Variants in RBMS3 observed in about 807,000 individuals in gnomAD.
The protein encoded by RBMS3 is RNA binding motif single stranded interacting protein 3, also known as RNA-binding motif, single-stranded-interacting protein 3.
In RBMS3, 27 loss-of-function variants were observed where a neutral mutation model predicts 66.8. The ratio of observed to expected loss-of-function variants is 0.40; its 90% CI spans 0.30 to 0.56. The LOEUF (loss-of-function observed/expected upper bound fraction) is 0.56. RBMS3 is among the 20% of genes least tolerant of loss of function. The pLI, the probability that RBMS3 is intolerant of heterozygous loss-of-function variation, is 0.40. For missense variants in RBMS3, 513 were observed against 549.5 expected (o/e 0.93, Z 0.66); for synonymous variants, 188 against 183.0 (o/e 1.03, Z -0.22).
intron 1 of RBMS3, among the ~76,000 whole-genome samples, chr3:29,295,356 T>TAC (rs1317932155): frequency 7.6e-5 from 11 of 145,272 alleles, no homozygotes; most frequent in African/African-American, 2.2e-4. Context: ...CATATATATA[T>TAC]ACACACACAT....
chr3:29,407,076 C>A (rs546332012), intron 1 of RBMS3, among the ~76,000 whole-genome samples: 1 of 152,276 alleles, frequency 6.6e-6, no homozygotes, highest in African/African-American at 2.4e-5. Context: ...AGAAGCTATG[C>A]AATACATTTT....
chr3:29,427,341 T>C (rs1362878524), intron 1 of RBMS3, among the ~76,000 whole-genome samples: 1 of 152,242 alleles, frequency 6.6e-6, no homozygotes, highest in Non-Finnish European at 1.5e-5. Context: ...TAGATATTAA[T>C]TTAGCTGCAT....
Position 29,507,870 on chromosome 3 carries a change from A to G in RBMS3, c.307+19371A>G, listed in dbSNP as rs143395434. 9.7e-4 allele frequency among the ~76,000 whole-genome samples: 148 copies of G among 152,286 alleles called. 1 individual carries two copies. The highest frequency in any genetic ancestry group is 3.4e-3 in the African/African-American group (141 of 41,586). ...TGTGTGGTGAGGTATTGATTTTTCA[A>G]TGTTCATTATATGTTTAAAAAATTC... On this transcript the variant is annotated intron_variant, in intron 3 of 14. Coordinates refer to ENST00000383767, the MANE Select transcript of RBMS3 (RefSeq NM_001003793.3).
intron 3 of RBMS3, among the ~76,000 whole-genome samples, chr3:29,498,609 C>T (rs984467698): frequency 1.3e-5 from 2 of 152,122 alleles, no homozygotes; most frequent in Non-Finnish European, 2.9e-5. Context: ...AAGTTATGAT[C>T]TTAGTTTCCT....
intron 1 of RBMS3, among the ~76,000 whole-genome samples, chr3:29,345,535 A>G (rs2125546174): frequency 6.6e-6 from 1 of 152,286 alleles, no homozygotes; most frequent in Non-Finnish European, 1.5e-5. Flanking sequence ...GATTCCTCTG[A>G]AAGACATAAA....
At chr3:29,479,838 A>G (rs1485940947) in intron 2 of RBMS3, among the ~76,000 whole-genome samples, 1 of 152,228 alleles carries the variant, frequency 6.6e-6, no homozygotes, top group Non-Finnish European at 1.5e-5. Flanking sequence ...AAAAATCAGA[A>G]GGCCTGGAAA....
intron 14 of RBMS3, among the ~76,000 whole-genome samples, chr3:29,992,661 G>A (rs1361092274): frequency 6.6e-6 from 1 of 152,176 alleles, no homozygotes; most frequent in African/African-American, 2.4e-5. Context: ...AGCATGCTCA[G>A]TTCAGAACAC....
chr3:29,982,106 T>C (rs1296231774), intron 12 of RBMS3, among the ~76,000 whole-genome samples: 2 of 152,170 alleles, frequency 1.3e-5, no homozygotes, highest in Non-Finnish European at 2.9e-5. Context: ...TCAGAACTTG[T>C]TATTGGTCTA....
intron 12 of RBMS3, among the ~76,000 whole-genome samples, chr3:29,965,927 G>T (rs1046314521): frequency 1.3e-5 from 2 of 152,128 alleles, no homozygotes; most frequent in African/African-American, 4.8e-5. Context: ...TGAGGATCCA[G>T]TTTCATTCTC....
chr3:29,837,514 C>T lies in RBMS3; in HGVS notation c.638-31344C>T, dbSNP rs535970631. 2.6e-5 allele frequency among the ~76,000 whole-genome samples: 4 copies of T among 151,374 alleles called. No homozygotes were observed. In the East Asian group the frequency reaches 7.8e-4, roughly 30 times the overall value. On this transcript the variant is annotated intron_variant, in intron 6 of 14. Transcript: ENST00000383767. ...TTACCCATAAGCTAGGAATCAATAT[C>T]AGAATCAGAGATAAAAGTTTGTACC...
At chr3:29,850,787 C>G (rs766884878) in intron 6 of RBMS3, among the ~76,000 whole-genome samples, 61 of 152,312 alleles carry the variant, frequency 4.0e-4, no homozygotes, top group Non-Finnish European at 6.3e-4. Context: ...ATTCTCATCC[C>G]TTGAGTTGCA....
intron 10 of RBMS3, chr3:29,903,004 G>A (rs1443974156): frequency 1.3e-5 from 2 of 152,020 alleles, no homozygotes; most frequent in African/African-American, 4.8e-5. Flanking sequence ...ATGGCACAGA[G>A]AACTAAAGGG....
At chr3:29,915,269 G>A (rs968011646) in intron 10 of RBMS3, among the ~76,000 whole-genome samples, 8 of 151,852 alleles carry the variant, frequency 5.3e-5, no homozygotes, top group Non-Finnish European at 7.4e-5. Flanking sequence ...TTTCTCTAAC[G>A]TTCTGGTTGA....
intron 5 of RBMS3, among the ~76,000 whole-genome samples, chr3:29,746,056 C>G (rs2054878718): frequency 6.6e-6 from 1 of 152,138 alleles, no homozygotes; most frequent in Admixed American, 6.5e-5. Flanking sequence ...TTCTTGTTCT[C>G]TTCTTCCATC....
chr3:29,887,170 T>G (rs1481533056), intron 8 of RBMS3, among the ~76,000 whole-genome samples: 1 of 151,814 alleles, frequency 6.6e-6, no homozygotes, highest in East Asian at 1.9e-4. Context: ...TGACAACATG[T>G]AATGACCGAC....
intron 4 of RBMS3, among the ~76,000 whole-genome samples, chr3:29,704,019 T>C (rs1219225708): frequency 6.6e-6 from 1 of 152,250 alleles, no homozygotes; most frequent in African/African-American, 2.4e-5. Flanking sequence ...TATGAGAATC[T>C]AATGTCTGAT....
intron 7 of RBMS3, chr3:29,880,916 C>A: frequency 1.6e-6 from 2 of 1,261,108 alleles, no homozygotes; most frequent in South Asian, 1.3e-5. Flanking sequence ...TCTAGTTACT[C>A]ATTCCTCTGG....
intron 1 of RBMS3, among the ~76,000 whole-genome samples, chr3:29,355,224 G>T (rs150322238): frequency 1.9e-3 from 283 of 152,156 alleles, no homozygotes; most frequent in African/African-American, 6.3e-3. Context: ...TGCCTGGTAG[G>T]TAATAGGGAA....
intron 4 of RBMS3, among the ~76,000 whole-genome samples, chr3:29,597,749 A>C (rs1435181691): frequency 1.3e-5 from 2 of 151,854 alleles, no homozygotes; most frequent in African/African-American, 2.4e-5. Context: ...TTTTTTTTTC[A>C]CTTTTCTGTG....
Sources: gnomAD v4.1 joint callset for allele counts (sites outside exome capture counted in the v4.1 genomes callset) on GRCh38, gnomAD v4.1.1 for gene constraint, MANE v1.5 for transcripts, NCBI Gene and HGNC (gene_info 2026-07-23, HGNC 2026-07-21) for gene names.